The following R3HDM2 variants were observed in gnomAD, a reference collection of about 807,000 sequenced individuals.
R3HDM2 encodes the protein R3H domain containing 2, also known as R3H domain-containing protein 2.
R3HDM2 carries 38 observed loss-of-function variants against 124.5 expected under a neutral mutation model. The observed-to-expected ratio is 0.31, with a 90% CI of 0.24 to 0.40. R3HDM2 has a LOEUF of 0.40. Among genes scored for constraint, R3HDM2 ranks in the 10% least tolerant of loss-of-function variants. The pLI is 1.00. For missense variants in R3HDM2, 869 were observed against 1,236.9 expected, an observed-to-expected ratio of 0.70 and a Z score of 4.46; for synonymous variants, 391 against 448.0, an observed-to-expected ratio of 0.87 and a Z score of 1.61.
In R3HDM2 at chr12:57,269,768, A is replaced by G; in HGVS notation, c.1571T>C (p.Met524Thr). 6.2e-7 allele frequency: 1 copy of G among 1,614,220 alleles called. No individual in the cohort carries two copies. The highest frequency in any genetic ancestry group is 1.1e-5 in the South Asian group (1 of 91,086). Reference protein sequence around the residue: ...TQQVLPPQGYMQPPQQIQVSY... With the variant: ...TQQVLPPQGYTQPPQQIQVSY... Reference sequence around the variant, plus strand: ...GCTGCTCACCTGTTGAGGGGGCTGCATGTACCCCTGGGGTGGCAGAACTTG... The same window carrying G: ...GCTGCTCACCTGTTGAGGGGGCTGCGTGTACCCCTGGGGTGGCAGAACTTG... The change falls in exon 15 of 24, where the codon ATG (methionine) becomes ACG (threonine). Residue 524 changes from methionine (M) to threonine (T), a missense_variant. Around this residue, in one of 2 missense-constraint regions of R3HDM2, gnomAD observed 602 missense variants for 789.2 expected, o/e 0.76. Coordinates refer to ENST00000402412, the MANE Select transcript of R3HDM2 (RefSeq NM_001394031.1).
chr12:57,301,708 C>G (rs1452749713), intron 4 of R3HDM2, among the ~76,000 whole-genome samples: 2 of 152,214 alleles, frequency 1.3e-5, no homozygotes, highest in Non-Finnish European at 2.9e-5. Flanking sequence ...TCTTGGCCTT[C>G]TTCAAACTCA....
intron 14 of R3HDM2, among the ~76,000 whole-genome samples, chr12:57,279,891 A>G (rs535351154): frequency 6.6e-6 from 1 of 152,110 alleles, no homozygotes; most frequent in Non-Finnish European, 1.5e-5. Flanking sequence ...TGGCATATGT[A>G]TGGAAGGGGT....
intron 2 of R3HDM2, among the ~76,000 whole-genome samples, chr12:57,371,833 G>A (rs1157527998): frequency 6.6e-6 from 1 of 152,156 alleles, no homozygotes; most frequent in Non-Finnish European, 1.5e-5. Context: ...AAGTCCGAAT[G>A]ATTTTACAAC....
chr12:57,355,960 A>G (rs1311653438), intron 2 of R3HDM2, among the ~76,000 whole-genome samples: 3 of 152,112 alleles, frequency 2.0e-5, no homozygotes, highest in Admixed American at 6.6e-5. Flanking sequence ...AAATTTTTCT[A>G]GTTTTATACA....
chr12:57,256,660 T>C (rs2039109281), intron 21 of R3HDM2, 149 bp from the exon 22 acceptor site: 1 of 594,332 alleles, frequency 1.7e-6, no homozygotes, highest in Non-Finnish European at 2.9e-6. Flanking sequence ...ATAAGAGTTG[T>C]TTCTCTTCCT....
chr12:57,332,329 C>T (rs551591397), intron 2 of R3HDM2, among the ~76,000 whole-genome samples: 9 of 146,490 alleles, frequency 6.1e-5, no homozygotes, highest in African/African-American at 1.8e-4. Context: ...GTAAGAGGAT[C>T]GCTTGAGCCT....
chr12:57,256,290 A>G (rs1328436863), intron 22 of R3HDM2, 124 bp downstream of exon 22: 29 of 943,676 alleles, frequency 3.1e-5, no homozygotes, highest in African/African-American at 5.0e-5. Context: ...AGGTAGGGCA[A>G]GGCTCCTGCT....
chr12:57,312,509 C>T (rs1202179228), intron 2 of R3HDM2, among the ~76,000 whole-genome samples: 1 of 152,018 alleles, frequency 6.6e-6, no homozygotes, highest in Non-Finnish European at 1.5e-5. Context: ...TGCCTGGAGA[C>T]TTGGTTTACT....
At chr12:57,361,141 C>T (rs1310666431) in intron 2 of R3HDM2, among the ~76,000 whole-genome samples, 1 of 151,096 alleles carries the variant, frequency 6.6e-6, no homozygotes, top group Non-Finnish European at 1.5e-5. Context: ...TTTGGGAGGC[C>T]GAAGTGGGCA....
chr12:57,261,249 A>C (rs2040739503), intron 19 of R3HDM2, among the ~76,000 whole-genome samples: 1 of 152,358 alleles, frequency 6.6e-6, no homozygotes, highest in South Asian at 2.1e-4. Context: ...TGAGAGTCTA[A>C]TGTAAAAATA....
chr12:57,325,565 G>A (rs1214925380), intron 2 of R3HDM2, among the ~76,000 whole-genome samples: 2 of 152,006 alleles, frequency 1.3e-5, no homozygotes, highest in Non-Finnish European at 2.9e-5. Flanking sequence ...TTTTTTCCAA[G>A]ATACAGGTTC....
chr12:57,324,340 C>T (rs2056944133), intron 2 of R3HDM2, among the ~76,000 whole-genome samples: 1 of 152,134 alleles, frequency 6.6e-6, no homozygotes, highest in Non-Finnish European at 1.5e-5. Context: ...TGCACCACCA[C>T]ACCTGGCTAA....
intron 2 of R3HDM2, among the ~76,000 whole-genome samples, chr12:57,341,776 GGTAATGACACA>G (rs1161189033): frequency 6.6e-6 from 1 of 152,134 alleles, no homozygotes; most frequent in African/African-American, 2.4e-5. Context: ...CGGATAGCTG[GGTAATGACACA>G]GTGAAGGATA....
chr12:57,296,375 AG>A lies in R3HDM2; in HGVS notation c.701+35del, dbSNP rs1440715140. On this transcript the variant is annotated intron_variant, in intron 9 of 23. Coordinates refer to ENST00000402412, the MANE Select transcript of R3HDM2 (RefSeq NM_001394031.1). The surrounding 1 kb of genome is among the most constrained non-coding windows in gnomAD (Gnocchi z 4.5). ...CTCTTCCAACCCAGCAGGTTATCCC[AG>A]GGAAGTCTTCCCAAACCATGGTTTC... 2.1e-5 allele frequency: 32 copies of A among 1,549,850 alleles called. No individual in the cohort carries two copies. Among genetic ancestry groups the A allele is most frequent in the Non-Finnish European group, 2.8e-5 (32 of 1,145,232 alleles).
intron 10 of R3HDM2, among the ~76,000 whole-genome samples, chr12:57,294,818 AG>A (rs2049408067): frequency 6.6e-6 from 1 of 152,216 alleles, no homozygotes; most frequent in South Asian, 2.1e-4. Flanking sequence ...TGGATCACAA[AG>A]GGGATCTATC....
At chr12:57,342,285 C>G (rs2059646051) in intron 2 of R3HDM2, among the ~76,000 whole-genome samples, 2 of 152,090 alleles carry the variant, frequency 1.3e-5, no homozygotes, top group South Asian at 4.1e-4. Flanking sequence ...GAAACCTGTG[C>G]CTCTTCCCCC....
chr12:57,320,261 C>CAGAAAAAAA (rs2056138514), intron 2 of R3HDM2, among the ~76,000 whole-genome samples: 1 of 14,276 alleles, frequency 7.0e-5, no homozygotes, highest in Non-Finnish European at 1.3e-4. Flanking sequence ...AACTCTATCT[C>CAGAAAAAAA]AAAAAAAAAA....
intron 14 of R3HDM2, among the ~76,000 whole-genome samples, chr12:57,279,925 G>A (rs941006654): frequency 7.2e-5 from 11 of 151,998 alleles, no homozygotes; most frequent in African/African-American, 2.2e-4. Context: ...TCTTTTTTCC[G>A]CAAACCCCAA....
At chr12:57,393,744 C>CA (rs1462466891) in intron 2 of R3HDM2, among the ~76,000 whole-genome samples, 12 of 135,618 alleles carry the variant, frequency 8.8e-5, no homozygotes, top group South Asian at 2.3e-4. Context: ...AGGAAAAACT[C>CA]AGAGATCTAC....
Sources: gnomAD v4.1 joint callset for allele counts (sites outside exome capture counted in the v4.1 genomes callset) on GRCh38, gnomAD v4.1.1 for gene constraint, gnomAD v4.1.1 regional missense constraint, Gnocchi (gnomAD v3.1) non-coding constraint, MANE v1.5 for transcripts, NCBI Gene and HGNC (gene_info 2026-07-23, HGNC 2026-07-21) for gene names.